NPAT: variants seen among roughly 807,000 people sequenced by gnomAD.
The protein encoded by NPAT is protein NPAT.
In NPAT, 52 loss-of-function variants were observed where a neutral mutation model predicts 130.7. That is an observed-to-expected ratio of 0.40 (90% CI 0.32 to 0.50). The LOEUF (loss-of-function observed/expected upper bound fraction) is 0.50. Among genes scored for constraint, NPAT ranks in the 20% least tolerant of loss-of-function variants. The pLI, the probability that NPAT is intolerant of heterozygous loss-of-function variation, is 0.68. For synonymous variants in NPAT, 580 were observed against 584.8 expected (o/e 0.99, Z 0.12); for missense variants, 1,687 against 1,662.6 (o/e 1.01, Z -0.26).
intron 15 of NPAT, among the ~76,000 whole-genome samples, chr11:108,168,003 T>C (rs749343030): frequency 2.6e-5 from 4 of 152,174 alleles, no homozygotes; most frequent in South Asian, 2.1e-4. Flanking sequence ...AAGAATGATA[T>C]GAGATACTAC....
chr11:108,173,432 C>T lies in NPAT; in HGVS notation c.1552G>A (p.Glu518Lys), dbSNP rs761724770. ...PITSFVSLGCEANNENLILSG... is the reference protein window; with the variant it reads ...PITSFVSLGCKANNENLILSG... The stretch of plus-strand genomic sequence containing the variant: ...AGAATTAAGTTTTCATTGTTAGCTT[C>T]ACAACCAAGTGAAACAAATGAAGTT... Residue 518 changes from glutamate (E) to lysine (K), a missense_variant, in exon 13 of 18, where the codon GAA becomes AAA. Glu to Lys is a moderately conservative substitution (Grantham distance 56, BLOSUM62 1). Coordinates refer to ENST00000278612, the MANE Select transcript of NPAT (RefSeq NM_002519.3). 6 of 1,614,026 alleles carry T rather than the reference C, an allele frequency of 3.7e-6. No homozygotes were observed. The African/African-American group carries it at 4.0e-5, about 11-fold the overall frequency.
chr11:108,161,105 ACT>A lies in NPAT; in HGVS notation c.3979_3980del (p.Ser1327CysfsTer18). The A allele has an allele frequency of 6.2e-7, 1 of 1,614,150 alleles. No homozygotes were observed. Among genetic ancestry groups the A allele is most frequent in the Non-Finnish European group, 8.5e-7 (1 of 1,180,032 alleles). On this transcript the variant is annotated frameshift_variant, in exon 17 of 18. Transcript: ENST00000278612. LOFTEE classifies it high-confidence loss of function. ...TTAATGTGTGGGCAGCCATATTTACACTGTTTTCACTTCCTGTTTCACTGGCA... is the reference window on the plus strand; with the variant it reads ...TTAATGTGTGGGCAGCCATATTTACAGTTTTCACTTCCTGTTTCACTGGCA... ...SPASETGSENSVNMAAHTLMI... is the reference protein window; with the variant it reads ...SPASETGSENXVNMAAHTLMI...
At chr11:108,211,350 T>C (rs1396600597) in intron 1 of NPAT, among the ~76,000 whole-genome samples, 1 of 16,692 alleles carries the variant, frequency 6.0e-5, no homozygotes, top group East Asian at 1.7e-3. Flanking sequence ...CAGACCAGCC[T>C]GGGCATAATG....
chr11:108,190,837 C>T (rs1369920767), intron 4 of NPAT, among the ~76,000 whole-genome samples: 1 of 152,152 alleles, frequency 6.6e-6, no homozygotes, highest in Non-Finnish European at 1.5e-5. Flanking sequence ...CCCTGGGGGG[C>T]TGAGGTGAGA....
In NPAT at chr11:108,170,044, C is replaced by G; in HGVS notation, c.2786-1G>C. 6.3e-7 allele frequency: 1 copy of G among 1,582,456 alleles called. No individual in the cohort carries two copies. The highest frequency in any genetic ancestry group is 8.7e-7 in the Non-Finnish European group (1 of 1,151,508). On this transcript the variant is annotated splice_acceptor_variant, in intron 13 of 17. Coordinates refer to ENST00000278612, the MANE Select transcript of NPAT (RefSeq NM_002519.3). LOFTEE classifies it high-confidence loss of function. Reference sequence around the variant, plus strand: ...GGAGAGGCAATTATTATGGCAGATCCTAAAAAAACAATTCTTGTTAAAAAA... The same window carrying G: ...GGAGAGGCAATTATTATGGCAGATCGTAAAAAAACAATTCTTGTTAAAAAA...
At chr11:108,207,335 C>T (rs2078338479) in intron 1 of NPAT, among the ~76,000 whole-genome samples, 1 of 152,250 alleles carries the variant, frequency 6.6e-6, no homozygotes, top group East Asian at 1.9e-4. Context: ...GGCCCCCAGG[C>T]TTTAGCTGTC....
intron 1 of NPAT, chr11:108,208,559 G>C (rs1241830729): frequency 7.1e-6 from 3 of 421,138 alleles, no homozygotes; most frequent in Non-Finnish European, 9.5e-6. Context: ...CTGCACTCGA[G>C]CCTGGGCAAC....
At chr11:108,201,779 G>A (rs1203072203) in intron 1 of NPAT, among the ~76,000 whole-genome samples, 1 of 152,216 alleles carries the variant, frequency 6.6e-6, no homozygotes, top group African/African-American at 2.4e-5. Flanking sequence ...TGCTATTAGA[G>A]AGATCTGCAG....
At chr11:108,188,995 T>A in intron 6 of NPAT, 111 bp downstream of exon 6, 2 of 865,126 alleles carry the variant, frequency 2.3e-6, no homozygotes. Flanking sequence ...TCTCTCATCT[T>A]TTATGGGGGG....
At chr11:108,195,585 G>C (rs1402152159) in intron 2 of NPAT, among the ~76,000 whole-genome samples, 1 of 152,016 alleles carries the variant, frequency 6.6e-6, no homozygotes, top group Non-Finnish European at 1.5e-5. Context: ...CATATGTTCT[G>C]GGTACAAACC....
Position 108,222,531 on chromosome 11 carries a change from C to T in NPAT, c.6G>A (p.Leu2=). M[L]LPSDVARLVL... is the part of the protein sequence containing the mutation. The stretch of plus-strand genomic sequence containing the variant: ...CAAGCCGGGCTACGTCCGAGGGTAA[C>T]AACATGATCAAAACCACAGCAGGAA... The change falls in exon 1 of 18, where the codon TTG becomes TTA. Residue 2 remains leucine (L), a synonymous_variant. Transcript: ENST00000278612. 6.2e-7 allele frequency: 1 copy of T among 1,613,914 alleles called. No homozygotes were observed. The highest frequency in any genetic ancestry group is 8.5e-7 in the Non-Finnish European group (1 of 1,179,928).
At chr11:108,204,343 A>G (rs2078304855) in intron 1 of NPAT, among the ~76,000 whole-genome samples, 1 of 151,076 alleles carries the variant, frequency 6.6e-6, no homozygotes, top group South Asian at 2.1e-4. Context: ...GCACTCCCAC[A>G]TTCTGAGCCC....
chr11:108,208,557 G>A (rs1016161568), intron 1 of NPAT: 2 of 420,834 alleles, frequency 4.8e-6, no homozygotes, highest in African/African-American at 2.1e-5. Flanking sequence ...CACTGCACTC[G>A]AGCCTGGGCA....
intron 15 of NPAT, among the ~76,000 whole-genome samples, chr11:108,165,472 A>ATATATAT (rs1555039325): frequency 6.9e-5 from 9 of 129,782 alleles, no homozygotes; most frequent in South Asian, 4.9e-4. Context: ...ATATATATAT[A>ATATATAT]TTTTTTTTTT....
chr11:108,175,290 A>T (rs971049566), intron 12 of NPAT, among the ~76,000 whole-genome samples: 1 of 152,342 alleles, frequency 6.6e-6, no homozygotes, highest in African/African-American at 2.4e-5. Flanking sequence ...TAAATACTAT[A>T]TAGGCTTTGG....
intron 1 of NPAT, among the ~76,000 whole-genome samples, chr11:108,219,518 C>T (rs2078464488): frequency 6.6e-6 from 1 of 152,140 alleles, no homozygotes; most frequent in African/African-American, 2.4e-5. Flanking sequence ...CAGAAGGTAA[C>T]AAATCTATTC....
Position 108,161,191 on chromosome 11 carries a change from T to A in NPAT, c.3895A>T (p.Ser1299Cys). The change falls in exon 17 of 18, where the codon AGT (serine) becomes TGT (cysteine). Residue 1299 changes from serine to cysteine, a missense_variant. This residue lies in a region of NPAT where 1,379 missense variants were observed against 1,346.6 expected (regional missense o/e 1.02). Coordinates refer to ENST00000278612, the MANE Select transcript of NPAT (RefSeq NM_002519.3). ...GGGACCATTACTTTTGATGTACTACTGTCTTCACTGAAACGCCTACTAGAG... is the reference window on the plus strand; with the variant it reads ...GGGACCATTACTTTTGATGTACTACAGTCTTCACTGAAACGCCTACTAGAG... The part of the protein sequence containing the change: ...APSSRRFSED[S>C]STSKVMVPPV... The A allele has an allele frequency of 6.2e-7, 1 of 1,614,172 alleles. No homozygotes were observed. Among genetic ancestry groups the A allele is most frequent in the Non-Finnish European group, 8.5e-7 (1 of 1,180,022 alleles).
At position 108,206,679 on chromosome 11, in the gene NPAT, C is replaced by T. The variant is rs117350131; in HGVS notation, c.38-9259G>A. Among the ~76,000 whole-genome samples, 63 of 152,280 alleles carry T rather than the reference C, an allele frequency of 4.1e-4. No homozygotes were observed. The East Asian group carries it at 0.011, about 26-fold the overall frequency. On this transcript the variant is annotated intron_variant, in intron 1 of 17. Transcript: ENST00000278612. ...CTTCTTTCCTTCTCATTGTCTGCAA[C>T]GTGGTGAGCAAGGGGGCATGTTTCA... is the stretch of plus-strand genomic sequence containing the variant.
chr11:108,187,394 G>C (rs924575277), intron 7 of NPAT, among the ~76,000 whole-genome samples: 1 of 152,204 alleles, frequency 6.6e-6, no homozygotes, highest in Non-Finnish European at 1.5e-5. Context: ...CGAGGCTGCA[G>C]TGAGTTATGA....
Sources: gnomAD v4.1 joint callset for allele counts (sites outside exome capture counted in the v4.1 genomes callset) on GRCh38, gnomAD v4.1.1 for gene constraint, gnomAD v4.1.1 regional missense constraint, MANE v1.5 for transcripts, NCBI Gene and HGNC (gene_info 2026-07-23, HGNC 2026-07-21) for gene names.